The following LEPR variants were observed in gnomAD, a reference collection of about 807,000 sequenced individuals.
LEPR encodes OB receptor.
Under a neutral mutation model 114.7 loss-of-function variants are expected in LEPR, and 56 were observed. That is an observed-to-expected ratio of 0.49 (90% CI 0.39 to 0.61). The LOEUF is 0.61. LEPR is among the 20% of genes least tolerant of loss of function. The pLI is 0.00. For synonymous variants in LEPR, 443 were observed against 461.4 expected (o/e 0.96, Z 0.51); for missense variants, 1,202 against 1,352.9 (o/e 0.89, Z 1.75).
At chr1:65,615,813 A>G (rs1032995880) in intron 14 of LEPR, among the ~76,000 whole-genome samples, 195 bp from the exon 15 acceptor site, 5 of 152,204 alleles carry the variant, frequency 3.3e-5, no homozygotes, top group African/African-American at 1.2e-4. Context: ...ATAACGATCC[A>G]GACACCTTCA....
chr1:65,467,638 C>A lies in LEPR; in HGVS notation c.-21+42260C>A, dbSNP rs567856838. On this transcript the variant is annotated intron_variant, in intron 2 of 19. Transcript: ENST00000349533. ...CTTTTGTTCTACTATACCCTGCCCCCAGAGGTGGAATCTATAGAGGCAGTG... is the reference window on the plus strand; with the variant it reads ...CTTTTGTTCTACTATACCCTGCCCCAAGAGGTGGAATCTATAGAGGCAGTG... Among the ~76,000 whole-genome samples the A allele has an allele frequency of 2.6e-5, 4 of 152,356 alleles. No individual in the cohort carries two copies. The East Asian group carries it at 7.7e-4, about 29-fold the overall frequency.
chr1:65,636,952 CCAAA>C lies in LEPR; in HGVS notation c.3437_3440del (p.Gln1146LeufsTer17). 6.2e-7 allele frequency: 1 copy of C among 1,610,116 alleles called. No homozygotes were observed. ...CTTTTGCATCTTACATGCCTCAATT[CCAAA>C]CTTGTTCTACTCAGACTCATAAGAT... On this transcript the variant is annotated frameshift_variant, in exon 20 of 20. Coordinates refer to ENST00000349533, the MANE Select transcript of LEPR (RefSeq NM_002303.6). LOFTEE classifies it high-confidence loss of function.
chr1:65,638,760 T>C lies in LEPR; in HGVS notation c.*1745T>C, dbSNP rs1440985474. The C allele has an allele frequency of 6.6e-6, 1 of 152,164 alleles. No homozygotes were observed. The highest frequency in any genetic ancestry group is 1.5e-5 in the Non-Finnish European group (1 of 68,032). The allele number at this position is 152,164 out of a possible 1,614,324, so 9.4% of individuals were successfully genotyped here. A position where few individuals can be genotyped will look rare whatever the true frequency, so the allele number is the denominator to read the frequency against. On this transcript the variant is annotated 3_prime_UTR_variant, in exon 20 of 20. Transcript: ENST00000349533. ...TGTCTCAGGATCTCACATACTCAACTAATGACCCCCTTACAAGAAATAGGT... is the reference window on the plus strand; with the variant it reads ...TGTCTCAGGATCTCACATACTCAACCAATGACCCCCTTACAAGAAATAGGT...
chr1:65,588,049 T>C (rs1655432507), intron 5 of LEPR, among the ~76,000 whole-genome samples: 1 of 152,006 alleles, frequency 6.6e-6, no homozygotes, highest in Admixed American at 6.6e-5. Context: ...GGTTTCGATA[T>C]GAGGTAGCAG....
At chr1:65,570,354 G>T in intron 3 of LEPR, 119 bp from the exon 4 acceptor site, 1 of 943,736 alleles carries the variant, frequency 1.1e-6, no homozygotes, top group Non-Finnish European at 1.6e-6. Context: ...GACACTCACT[G>T]AGGACTTAGA....
chr1:65,526,045 A>G (rs1215119137), intron 2 of LEPR: 1 of 918,606 alleles, frequency 1.1e-6, no homozygotes, highest in Non-Finnish European at 1.3e-6. Context: ...CCGTGGGGCG[A>G]GGAAGATCTG....
chr1:65,541,868 A>T (rs779292928), intron 2 of LEPR, among the ~76,000 whole-genome samples: 3 of 152,116 alleles, frequency 2.0e-5, no homozygotes, highest in Non-Finnish European at 2.9e-5. Context: ...TTTCCTACAC[A>T]CTCAGAGATT....
intron 2 of LEPR, among the ~76,000 whole-genome samples, chr1:65,469,099 G>A (rs554533047): frequency 1.3e-5 from 2 of 152,176 alleles, no homozygotes; most frequent in Non-Finnish European, 2.9e-5. Context: ...CCCAATCTGT[G>A]TTGAAGGAAA....
Position 65,601,397 on chromosome 1 carries a change from A to G in LEPR, c.1000A>G (p.Ile334Val). The change falls in exon 9 of 20, where the codon ATA becomes GTA. Residue 334 changes from isoleucine to valine, a missense_variant. By Grantham distance (29) the Ile-to-Val change is conservative. Coordinates refer to ENST00000349533, the MANE Select transcript of LEPR (RefSeq NM_002303.6). Reference protein sequence around the residue: ...TPRVFTTQDVIYFPPKILTSV... With the variant: ...TPRVFTTQDVVYFPPKILTSV... Reference sequence around the variant, plus strand: ...CCTTTCTTCCCTCATTACAGATGTCATATACTTTCCACCTAAAATTCTGAC... The same window carrying G: ...CCTTTCTTCCCTCATTACAGATGTCGTATACTTTCCACCTAAAATTCTGAC... The G allele has an allele frequency of 6.2e-7, 1 of 1,612,600 alleles. No homozygotes were observed.
chr1:65,432,643 T>C (rs1431853200), intron 2 of LEPR: 9 of 984,780 alleles, frequency 9.1e-6, no homozygotes, highest in Non-Finnish European at 1.1e-5. Context: ...ATTTAGGCAG[T>C]TCCTCAAATT....
intron 15 of LEPR, 29 bp from the exon 16 acceptor site, chr1:65,617,935 A>C: frequency 1.3e-6 from 2 of 1,587,862 alleles, no homozygotes; most frequent in Non-Finnish European, 1.7e-6. Flanking sequence ...TTTTTAATTT[A>C]AAAATTAATT....
intron 2 of LEPR, among the ~76,000 whole-genome samples, chr1:65,458,788 T>C (rs1646909302): frequency 6.6e-6 from 1 of 152,216 alleles, no homozygotes; most frequent in Admixed American, 6.5e-5. Flanking sequence ...TCTGTTCCTT[T>C]TTTTCTCCTC....
intron 2 of LEPR, chr1:65,525,912 G>A: frequency 2.2e-6 from 2 of 913,562 alleles, no homozygotes; most frequent in Non-Finnish European, 2.6e-6. Flanking sequence ...CGTGGCAGAC[G>A]CGGAGCCCCG....
At chr1:65,492,838 A>G (rs1647949769) in intron 2 of LEPR, among the ~76,000 whole-genome samples, 1 of 150,856 alleles carries the variant, frequency 6.6e-6, no homozygotes, top group Non-Finnish European at 1.5e-5. Flanking sequence ...AAAAAAGTGA[A>G]TATTTATTTA....
intron 2 of LEPR, among the ~76,000 whole-genome samples, chr1:65,440,000 C>CA (rs550347312): frequency 0.1 from 5,802 of 57,882 alleles, 731 homozygotes; most frequent in African/African-American, 0.18. Flanking sequence ...GATTCTGTCT[C>CA]AAAAAAAAAA....
chr1:65,567,820 C>T (rs1653880033), intron 3 of LEPR, among the ~76,000 whole-genome samples: 1 of 152,084 alleles, frequency 6.6e-6, no homozygotes, highest in African/African-American at 2.4e-5. Context: ...TCCGTAGACT[C>T]CCTGCCCCAC....
In LEPR at chr1:65,610,261, A is replaced by T. The variant is rs1657082520; in HGVS notation, c.1960A>T (p.Met654Leu). Reference sequence around the variant, plus strand: ...TTGGAGAATAATTAATGGAGATACTATGAAAAAGGAGAAAAATGTCACTTT... The same window carrying T: ...TTGGAGAATAATTAATGGAGATACTTTGAAAAAGGAGAAAAATGTCACTTT... ...EFWRIINGDT[M>L]KKEKNVTLLW... Residue 654 changes from methionine (M) to leucine (L), a missense_variant, in exon 14 of 20, where the codon ATG (methionine) becomes TTG (leucine). Transcript: ENST00000349533. The T allele has an allele frequency of 1.9e-6, 3 of 1,613,664 alleles. No individual in the cohort carries two copies. In the South Asian group the frequency reaches 3.3e-5, roughly 18 times the overall value.
intron 2 of LEPR, among the ~76,000 whole-genome samples, chr1:65,558,537 T>TTTAATCAGAA (rs1557662107): frequency 2.0e-4 from 5 of 24,858 alleles, no homozygotes; most frequent in African/African-American, 4.5e-4. Flanking sequence ...TTTTTTTTTT[T>TTTAATCAGAA]GTTTTTTTTT....
chr1:65,599,757 C>A (rs1303749536), intron 8 of LEPR, among the ~76,000 whole-genome samples: 1 of 151,854 alleles, frequency 6.6e-6, no homozygotes, highest in Non-Finnish European at 1.5e-5. Context: ...TAACATTGGT[C>A]ATGTGAAGAA....
Sources: allele counts gnomAD v4.1 joint callset (sites outside exome capture counted in the v4.1 genomes callset), GRCh38; gene constraint gnomAD v4.1.1; transcripts MANE v1.5; gene names NCBI Gene and HGNC (gene_info 2026-07-23, HGNC 2026-07-21).